The following ROBO1 variants were observed in gnomAD, a reference collection of about 807,000 sequenced individuals.
ROBO1 encodes the protein roundabout guidance receptor 1.
A neutral mutation model predicts 195.9 loss-of-function variants in ROBO1; 149 were observed. The ratio of observed to expected loss-of-function variants is 0.76; its 90% CI spans 0.67 to 0.87. The LOEUF is 0.87. Ranked by LOEUF, ROBO1 falls within the 40% of genes least tolerant of loss-of-function variation. The pLI, the probability that ROBO1 is intolerant of heterozygous loss-of-function variation, is 0.00. For missense variants in ROBO1, 1,933 were observed against 2,068.3 expected (o/e 0.93, Z 1.27); for synonymous variants, 816 against 733.2 (o/e 1.11, Z -1.82).
intron 2 of ROBO1, among the ~76,000 whole-genome samples, chr3:79,496,302 C>G (rs1939730893): frequency 6.8e-6 from 1 of 146,462 alleles, no homozygotes; most frequent in Admixed American, 6.8e-5. Context: ...TAAGTAAAAA[C>G]GATAGTTTAT....
chr3:79,013,268 T>A (rs2077832697), intron 3 of ROBO1, among the ~76,000 whole-genome samples: 1 of 152,120 alleles, frequency 6.6e-6, no homozygotes, highest in African/African-American at 2.4e-5. Context: ...AGAAGAACAA[T>A]GCCATTCATT....
At chr3:78,719,684 G>A (rs1476661124) in intron 5 of ROBO1, among the ~76,000 whole-genome samples, 1 of 152,060 alleles carries the variant, frequency 6.6e-6, no homozygotes, top group Non-Finnish European at 1.5e-5. Context: ...AATTTCCAAG[G>A]CTACATACAA....
At chr3:79,396,988 A>G (rs2037180051) in intron 2 of ROBO1, among the ~76,000 whole-genome samples, 1 of 152,040 alleles carries the variant, frequency 6.6e-6, no homozygotes, top group Non-Finnish European at 1.5e-5. Context: ...ACTCACAGGG[A>G]ATTTATTTAA....
intron 1 of ROBO1, among the ~76,000 whole-genome samples, chr3:79,707,982 T>G (rs1004351111): frequency 3.3e-5 from 5 of 152,182 alleles, no homozygotes; most frequent in Non-Finnish European, 4.4e-5. Context: ...TGACTTTTTT[T>G]GTCGATGTTA....
At chr3:78,717,159 C>T in intron 7 of ROBO1, 116 bp downstream of exon 7, 1 of 1,063,384 alleles carries the variant, frequency 9.4e-7, no homozygotes, top group Non-Finnish European at 1.3e-6. Flanking sequence ...TTGTATCTGG[C>T]CCCTGATAGA....
chr3:78,802,420 G>A (rs144532620), intron 4 of ROBO1, among the ~76,000 whole-genome samples: 1 of 152,186 alleles, frequency 6.6e-6, no homozygotes, highest in African/African-American at 2.4e-5. Flanking sequence ...ACATGAAGGA[G>A]CATGTTTCAT....
intron 2 of ROBO1, among the ~76,000 whole-genome samples, chr3:79,305,595 T>C (rs2033183416): frequency 6.7e-6 from 1 of 149,590 alleles, no homozygotes; most frequent in African/African-American, 2.5e-5. Flanking sequence ...CAAATAAAAA[T>C]AAGCTGCATT....
chr3:79,015,598 C>T (rs182042615), intron 3 of ROBO1, among the ~76,000 whole-genome samples: 2 of 152,232 alleles, frequency 1.3e-5, no homozygotes, highest in Admixed American at 1.3e-4. Context: ...CTCCTGCACC[C>T]TCCCACCCCG....
At chr3:79,199,354 C>T (rs2081715779) in intron 2 of ROBO1, among the ~76,000 whole-genome samples, 1 of 151,642 alleles carries the variant, frequency 6.6e-6, no homozygotes, top group African/African-American at 2.4e-5. Context: ...GAGAAATGAC[C>T]AAACTAGGCA....
chr3:78,847,992 C>A (rs532869024), intron 4 of ROBO1, among the ~76,000 whole-genome samples: 6 of 152,250 alleles, frequency 3.9e-5, no homozygotes, highest in East Asian at 1.9e-4. Flanking sequence ...ATCCTTCTGA[C>A]TTTTTTTCCC....
At chr3:79,226,296 CACA>C (rs541984481) in intron 2 of ROBO1, among the ~76,000 whole-genome samples, 43 of 152,190 alleles carry the variant, frequency 2.8e-4, no homozygotes, top group African/African-American at 1.0e-3. Flanking sequence ...AGAAATGTCA[CACA>C]ACAAGGCACA....
At chr3:78,955,636 A>C (rs1576464163) in intron 3 of ROBO1, among the ~76,000 whole-genome samples, 1 of 152,272 alleles carries the variant, frequency 6.6e-6, no homozygotes, top group Non-Finnish European at 1.5e-5. Context: ...TTAAAGTACT[A>C]AAAATAAAGC....
At chr3:79,009,681 T>C (rs1475103688) in intron 3 of ROBO1, among the ~76,000 whole-genome samples, 1 of 151,972 alleles carries the variant, frequency 6.6e-6, no homozygotes, top group African/African-American at 2.4e-5. Context: ...GAACCAATGC[T>C]AAAGTCTTTC....
chr3:78,957,815 G>GA (rs2041127515), intron 3 of ROBO1, among the ~76,000 whole-genome samples: 1 of 152,068 alleles, frequency 6.6e-6, no homozygotes, highest in South Asian at 2.1e-4. Context: ...GCTGCCCAGG[G>GA]AAAACCATTT....
intron 2 of ROBO1, among the ~76,000 whole-genome samples, chr3:79,378,770 T>C (rs919575816): frequency 6.6e-6 from 1 of 152,228 alleles, no homozygotes; most frequent in Non-Finnish European, 1.5e-5. Context: ...AAACAACTAT[T>C]GGTAATAGAC....
chr3:79,348,800 A>T (rs1052750079), intron 2 of ROBO1, among the ~76,000 whole-genome samples: 2 of 152,208 alleles, frequency 1.3e-5, no homozygotes, highest in Non-Finnish European at 2.9e-5. Context: ...AAAGGTAATG[A>T]TTATATGCTT....
chr3:78,654,661 C>T (rs370901608), intron 18 of ROBO1, among the ~76,000 whole-genome samples: 31 of 152,142 alleles, frequency 2.0e-4, no homozygotes, highest in Non-Finnish European at 3.4e-4. Context: ...AACAGCCACT[C>T]GCTAGCTCAG....
intron 1 of ROBO1, among the ~76,000 whole-genome samples, chr3:79,714,088 A>G (rs1702381670): frequency 6.6e-6 from 1 of 151,902 alleles, no homozygotes; most frequent in Admixed American, 6.6e-5. Context: ...TCTTTTTTGC[A>G]ACCTACTCAT....
chr3:79,177,709 G>A (rs2081280927), intron 2 of ROBO1, among the ~76,000 whole-genome samples: 1 of 152,200 alleles, frequency 6.6e-6, no homozygotes, highest in Non-Finnish European at 1.5e-5. Context: ...TCTTGAACTT[G>A]CTCAGAGAAT....
Sources: gnomAD v4.1 joint callset for allele counts (sites outside exome capture counted in the v4.1 genomes callset) on GRCh38, gnomAD v4.1.1 for gene constraint, MANE v1.5 for transcripts, NCBI Gene and HGNC (gene_info 2026-07-23, HGNC 2026-07-21) for gene names.